Variants in PLXNB2 observed in about 807,000 individuals in gnomAD.
PLXNB2 encodes the protein plexin B2.
In PLXNB2, 85 loss-of-function variants were observed where a neutral mutation model predicts 202.6. The ratio of observed to expected loss-of-function variants is 0.42; its 90% CI spans 0.35 to 0.50. The LOEUF is 0.50. PLXNB2 is among the 20% of genes least tolerant of loss of function. The pLI, the probability that PLXNB2 is intolerant of heterozygous loss-of-function variation, is 0.02. For synonymous variants in PLXNB2, 1,239 were observed against 1,137.6 expected (o/e 1.09, Z -1.79); for missense variants, 2,063 against 2,586.2 (o/e 0.80, Z 4.39).
intron 8 of PLXNB2, among the ~76,000 whole-genome samples, chr22:50,286,705 C>T (rs919194388): frequency 7.9e-5 from 12 of 152,308 alleles, no homozygotes; most frequent in African/African-American, 1.2e-4. Flanking sequence ...GGGACATGGG[C>T]GCGACGCCTG....
In PLXNB2 at chr22:50,278,250, T is replaced by G; in HGVS notation, c.4754A>C (p.Glu1585Ala). Residue 1585 changes from glutamate (E) to alanine (A), a missense_variant, in exon 31 of 37, where the codon GAG becomes GCG. Glu to Ala is a moderately radical substitution (Grantham distance 107, BLOSUM62 -1). This residue lies in a region of PLXNB2 where 760 missense variants were observed against 1,109.4 expected (regional missense o/e 0.69). Coordinates refer to ENST00000359337, the MANE Select transcript of PLXNB2 (RefSeq NM_012401.4). ...PGERHALLEEENRVWHLVRPT... is the reference protein window; with the variant it reads ...PGERHALLEEANRVWHLVRPT... ...CCGCACCAGGTGCCACACCCGGTTC[T>G]CCTCCTCCAGGAGGGCATGGCCTGT... 1.9e-6 allele frequency: 3 copies of G among 1,610,924 alleles called. No individual in the cohort carries two copies. The highest frequency in any genetic ancestry group is 2.5e-6 in the Non-Finnish European group (3 of 1,179,882).
intron 35 of PLXNB2, 145 bp from the exon 36 acceptor site, chr22:50,276,108 T>A: frequency 1.4e-6 from 1 of 696,728 alleles, no homozygotes; most frequent in Non-Finnish European, 2.5e-6. Flanking sequence ...GCCCCCCATG[T>A]GGCACAGCCT....
chr22:50,281,045 C>T (rs539002118), intron 23 of PLXNB2, 44 bp downstream of exon 23: 139 of 1,601,996 alleles, frequency 8.7e-5, no homozygotes, highest in African/African-American at 1.9e-4. Flanking sequence ...ACAGCATCCC[C>T]GCCCCAGGAG....
In PLXNB2 at chr22:50,282,367, C is replaced by T. The variant is rs1336154185; in HGVS notation, c.2988-54G>A. On this transcript the variant is annotated intron_variant, in intron 18 of 36. Transcript: ENST00000359337. ...GGCTGGCAGGGGTGGTCCCTGCAGCCTCCGCCCTCCCGTCCCCGCCCACCC... is the reference window on the plus strand; with the variant it reads ...GGCTGGCAGGGGTGGTCCCTGCAGCTTCCGCCCTCCCGTCCCCGCCCACCC... 5 of 1,547,546 alleles carry T rather than the reference C, an allele frequency of 3.2e-6. No homozygotes were observed. In the East Asian group the frequency reaches 6.8e-5, roughly 21 times the overall value.
Position 50,275,578 on chromosome 22 carries a change from A to G in PLXNB2, c.*126T>C, listed in dbSNP as rs1202140311. ...CGCTGGGCGGGTTCCGGCTGCACCC[A>G]CTCCGGCTTGGGGCGCGTTCCAGGG... On this transcript the variant is annotated 3_prime_UTR_variant, in exon 37 of 37. Transcript: ENST00000359337. The G allele has an allele frequency of 1.6e-5, 11 of 683,494 alleles. No individual in the cohort carries two copies. Among genetic ancestry groups the G allele is most frequent in the African/African-American group, 1.4e-4 (8 of 55,560 alleles). 42.3% of individuals were successfully genotyped at this position (683,494 alleles called of 1,614,324 possible).
At position 50,284,088 on chromosome 22, in the gene PLXNB2, C is replaced by A. The variant is rs1255757351; in HGVS notation, c.2263+44G>T. The A allele has an allele frequency of 6.5e-7, 1 of 1,543,798 alleles. No individual in the cohort carries two copies. The highest frequency in any genetic ancestry group is 1.7e-5 in the Admixed American group (1 of 57,202). Reference sequence around the variant, plus strand: ...TGTCCCCCCACCCACCGCCTTGTGCCCACCCGTCCCCTGCCCGCCCCCCAC... The same window carrying A: ...TGTCCCCCCACCCACCGCCTTGTGCACACCCGTCCCCTGCCCGCCCCCCAC... On this transcript the variant is annotated intron_variant, in intron 13 of 36. Transcript: ENST00000359337. The surrounding 1 kb of genome is among the most constrained non-coding windows in gnomAD (Gnocchi z 8.0).
In PLXNB2 at chr22:50,281,723, G is replaced by C. The variant is rs375577050; in HGVS notation, c.3365C>G (p.Ala1122Gly). 1 of 1,561,498 alleles carries C rather than the reference G, an allele frequency of 6.4e-7. No individual in the cohort carries two copies. Among genetic ancestry groups the C allele is most frequent in the Non-Finnish European group, 8.7e-7 (1 of 1,152,570 alleles). The change falls in exon 21 of 37, where the codon GCG becomes GGG. Residue 1122 changes from alanine (A) to glycine (G), a missense_variant. Around this residue, in one of 2 missense-constraint regions of PLXNB2, gnomAD observed 760 missense variants for 1,109.4 expected, o/e 0.69. Coordinates refer to ENST00000359337, the MANE Select transcript of PLXNB2 (RefSeq NM_012401.4). ...GGCCTCGGCCTCCTGCAGCGTCATC[G>C]CCTTGTTCAGATTGGTGCCCTGGGG... ...IHARGTNLNK[A>G]MTLQEAEAFV... is the part of the protein sequence containing the mutation.
chr22:50,286,786 A>G (rs2066486101), intron 8 of PLXNB2, among the ~76,000 whole-genome samples: 1 of 152,126 alleles, frequency 6.6e-6, no homozygotes, highest in Non-Finnish European at 1.5e-5. Context: ...CATGGCAGGA[A>G]GGGGTGAGGG....
Position 50,279,714 on chromosome 22 carries a change from G to T in PLXNB2, c.4305C>A (p.Gly1435=). The T allele has an allele frequency of 6.2e-7, 1 of 1,613,918 alleles. No individual in the cohort carries two copies. Among genetic ancestry groups the T allele is most frequent in the Non-Finnish European group, 8.5e-7 (1 of 1,179,880 alleles). Residue 1435 remains glycine, a synonymous_variant, in exon 27 of 37, where the codon GGC becomes GGA. Transcript: ENST00000359337. ...CCTTCTTCTGTACCGCATCCACCGG[G>T]CCCTTTTCCACCTGATGTTTGATGG... is the stretch of plus-strand genomic sequence containing the variant. ...FKAIKHQVEK[G]PVDAVQKKAK...
At chr22:50,301,033 C>T (rs533944097) in intron 1 of PLXNB2, among the ~76,000 whole-genome samples, 3 of 152,298 alleles carry the variant, frequency 2.0e-5, no homozygotes, top group South Asian at 2.1e-4. Flanking sequence ...GTATATGGTG[C>T]GTCCCTAGAC....
chr22:50,298,708 T>C (rs904113611), intron 1 of PLXNB2, among the ~76,000 whole-genome samples: 4 of 152,142 alleles, frequency 2.6e-5, no homozygotes, highest in Admixed American at 2.6e-4. Flanking sequence ...TGTAGGGGCA[T>C]GATCTTGGCT....
intron 1 of PLXNB2, among the ~76,000 whole-genome samples, chr22:50,296,229 C>A (rs557636438): frequency 9.6e-5 from 14 of 145,912 alleles, no homozygotes; most frequent in Middle Eastern, 3.5e-3. Flanking sequence ...CACACACACA[C>A]AATAAAAAAG....
At position 50,284,300 on chromosome 22, in the gene PLXNB2, A is replaced by C. The variant is rs1280180447; in HGVS notation, c.2182-87T>G. 4 of 1,275,812 alleles carry C rather than the reference A, an allele frequency of 3.1e-6. No homozygotes were observed. Among genetic ancestry groups the C allele is most frequent in the African/African-American group, 1.5e-5 (1 of 68,616 alleles). 79.0% of individuals were successfully genotyped at this position (1,275,812 alleles called of 1,614,324 possible). On this transcript the variant is annotated intron_variant, in intron 12 of 36. Transcript: ENST00000359337. The surrounding 1 kb of genome is among the most constrained non-coding windows in gnomAD (Gnocchi z 8.0). ...TCACAAGGGCAGCCTCCCTGTGGCCACCGGGTCCCTTCCCAGCCAAGGGCA... is the reference window on the plus strand; with the variant it reads ...TCACAAGGGCAGCCTCCCTGTGGCCCCCGGGTCCCTTCCCAGCCAAGGGCA...
At chr22:50,277,100 G>A (rs896214816) in intron 33 of PLXNB2, among the ~76,000 whole-genome samples, 194 bp from the exon 34 acceptor site, 12 of 152,034 alleles carry the variant, frequency 7.9e-5, no homozygotes, top group African/African-American at 2.9e-4. Context: ...TGAGGTCAGG[G>A]GTTCGAGACC....
rs199691731 is a variant in PLXNB2, at chr22:50,281,989, C to T, written c.3210G>A (p.Thr1070=). ...GGTGCCCGTCCATCTCGATCAGCACCGTGAGGTTGTAGGCCTCTGGCTCCT... is the reference window on the plus strand; with the variant it reads ...GGTGCCCGTCCATCTCGATCAGCACTGTGAGGTTGTAGGCCTCTGGCTCCT... The part of the protein sequence containing the change: ...VPEEPEAYNL[T]VLIEMDGHRA... Residue 1070 remains threonine (T), a synonymous_variant, in exon 20 of 37, where the codon ACG becomes ACA. Coordinates refer to ENST00000359337, the MANE Select transcript of PLXNB2 (RefSeq NM_012401.4). 1.1e-5 allele frequency: 17 copies of T among 1,613,056 alleles called. No individual in the cohort carries two copies. Among genetic ancestry groups the T allele is most frequent in the Middle Eastern group, 1.6e-4 (1 of 6,062 alleles).
At chr22:50,292,442 A>T (rs139431093) in intron 2 of PLXNB2, among the ~76,000 whole-genome samples, 8 of 152,204 alleles carry the variant, frequency 5.3e-5, no homozygotes, top group Non-Finnish European at 1.0e-4. Flanking sequence ...TGACCACGAC[A>T]GCCTGTGACC....
At position 50,295,147 on chromosome 22, in the gene PLXNB2, C is replaced by T. The variant is rs139825934; in HGVS notation, c.-73-369G>A. ...CATCCTGGTGAACACAGTGAAACCC[C>T]GTCTCTACTAAAAATACAAAAAAAT... is the stretch of plus-strand genomic sequence containing the variant. On this transcript the variant is annotated intron_variant, in intron 1 of 36. Coordinates refer to ENST00000359337, the MANE Select transcript of PLXNB2 (RefSeq NM_012401.4). Among the ~76,000 whole-genome samples, 218 of 152,074 alleles carry T rather than the reference C, an allele frequency of 1.4e-3. 1 individual carries two copies. Among genetic ancestry groups the T allele is most frequent in the African/African-American group, 5.1e-3 (211 of 41,454 alleles).
intron 7 of PLXNB2, 136 bp downstream of exon 7, chr22:50,287,531 T>C (rs930636971): frequency 3.0e-6 from 3 of 996,586 alleles, no homozygotes; most frequent in Non-Finnish European, 4.3e-6. Flanking sequence ...GCTCCATCCC[T>C]AAGGCTCGGT....
rs1174766050 is a variant in PLXNB2, at chr22:50,289,019, C to T, written c.1192G>A (p.Ala398Thr). The T allele has an allele frequency of 1.1e-5, 18 of 1,609,876 alleles. No homozygotes were observed. The highest frequency in any genetic ancestry group is 1.1e-4 in the African/African-American group (8 of 74,880). The part of the protein sequence containing the change: ...GGLNLTAVTV[A>T]AENNHTVAFL... ...GCAACAGTGTGGTTGTTCTCGGCGGCGACCGTCACGGCCGTGAGGTTCAGG... is the reference window on the plus strand; with the variant it reads ...GCAACAGTGTGGTTGTTCTCGGCGGTGACCGTCACGGCCGTGAGGTTCAGG... The change falls in exon 4 of 37, where the codon GCC becomes ACC. Residue 398 changes from alanine to threonine, a missense_variant. Physicochemically the swap from Ala to Thr is moderately conservative, Grantham distance 58. This residue lies in a region of PLXNB2 where 1,303 missense variants were observed against 1,476.8 expected (regional missense o/e 0.88). Coordinates refer to ENST00000359337, the MANE Select transcript of PLXNB2 (RefSeq NM_012401.4). This position sits in a 1 kb window ranked among gnomAD's most constrained non-coding sequence, Gnocchi z 8.0.
Sources: gnomAD v4.1 joint callset for allele counts (sites outside exome capture counted in the v4.1 genomes callset) on GRCh38, gnomAD v4.1.1 for gene constraint, gnomAD v4.1.1 regional missense constraint, Gnocchi (gnomAD v3.1) non-coding constraint, MANE v1.5 for transcripts, NCBI Gene and HGNC (gene_info 2026-07-23, HGNC 2026-07-21) for gene names.